The following TECRL variants were observed in gnomAD, a reference collection of about 807,000 sequenced individuals.
TECRL encodes the protein trans-2,3-enoyl-CoA reductase-like.
A neutral mutation model predicts 52.8 loss-of-function variants in TECRL; 63 were observed. The observed-to-expected ratio is 1.19, with a 90% CI of 0.97 to 1.47. The LOEUF is 1.47. TECRL is among the 40% of genes most tolerant of loss of function. TECRL has a pLI of 0.00. For missense variants in TECRL, 482 were observed against 429.6 expected (o/e 1.12, Z -1.08); for synonymous variants, 164 against 141.9 (o/e 1.16, Z -1.10).
intron 2 of TECRL, among the ~76,000 whole-genome samples, chr4:64,352,259 C>A (rs998683265): frequency 6.6e-6 from 1 of 151,930 alleles, no homozygotes; most frequent in Non-Finnish European, 1.5e-5. Flanking sequence ...TGTACAAGCA[C>A]CAAGGCACAT....
At chr4:64,319,564 C>A (rs1717749998) in intron 4 of TECRL, among the ~76,000 whole-genome samples, 1 of 151,774 alleles carries the variant, frequency 6.6e-6, no homozygotes, top group Non-Finnish European at 1.5e-5. Flanking sequence ...TACAAGGACT[C>A]GTATCTACAT....
At chr4:64,394,687 C>T (rs939357873) in intron 1 of TECRL, among the ~76,000 whole-genome samples, 1 of 152,088 alleles carries the variant, frequency 6.6e-6, no homozygotes, top group Admixed American at 6.6e-5. Flanking sequence ...CACTATACTA[C>T]ACTACGTGGT....
intron 1 of TECRL, among the ~76,000 whole-genome samples, chr4:64,391,234 G>T (rs1462609704): frequency 6.6e-6 from 1 of 151,802 alleles, no homozygotes; most frequent in Non-Finnish European, 1.5e-5. Flanking sequence ...ACACATAATT[G>T]AATTGCTTTG....
At chr4:64,310,864 C>T (rs1331353401) in intron 5 of TECRL, among the ~76,000 whole-genome samples, 2 of 152,052 alleles carry the variant, frequency 1.3e-5, no homozygotes, top group Non-Finnish European at 2.9e-5. Flanking sequence ...GACTACAGGA[C>T]CACACCGCCA....
chr4:64,401,749 T>A (rs1247715443), intron 1 of TECRL, among the ~76,000 whole-genome samples: 2 of 152,212 alleles, frequency 1.3e-5, no homozygotes, highest in Non-Finnish European at 2.9e-5. Context: ...ACCACTTCAC[T>A]GCTAGTTTCC....
chr4:64,366,617 T>C (rs556814305), intron 2 of TECRL, among the ~76,000 whole-genome samples: 14 of 151,904 alleles, frequency 9.2e-5, no homozygotes, highest in African/African-American at 3.4e-4. Context: ...TTAATAGACA[T>C]GTAAAAGATG....
chr4:64,313,977 CAAAAAAA>C (rs752037972), intron 5 of TECRL, among the ~76,000 whole-genome samples: 965 of 61,968 alleles, frequency 0.016, 14 homozygotes, highest in African/African-American at 0.042. Flanking sequence ...ACTAAAAATA[CAAAAAAA>C]AAAAAAAAAA....
rs72638972 is a variant in TECRL, at chr4:64,318,202, C to T, written c.436-3439G>A. Among the ~76,000 whole-genome samples the T allele has an allele frequency of 3.7e-3, 561 of 151,966 alleles. 2 individuals are homozygous for T. Among genetic ancestry groups the T allele is most frequent in the South Asian group, 0.03 (145 of 4,808 alleles). On this transcript the variant is annotated intron_variant, in intron 4 of 11. Transcript: ENST00000381210. ...ATACAAAGACCAAACAGACTGTGAG[C>T]AAAACCAAGAGAAATAGCAAAAATA...
At chr4:64,342,346 G>C (rs1719640958) in intron 2 of TECRL, among the ~76,000 whole-genome samples, 1 of 152,078 alleles carries the variant, frequency 6.6e-6, no homozygotes, top group Non-Finnish European at 1.5e-5. Context: ...GCATGACACT[G>C]AAGAATGTGT....
intron 1 of TECRL, among the ~76,000 whole-genome samples, chr4:64,399,843 T>A (rs1724225956): frequency 6.6e-6 from 1 of 152,130 alleles, no homozygotes; most frequent in Non-Finnish European, 1.5e-5. Flanking sequence ...GGAACCATCA[T>A]GGAGAACCTC....
At chr4:64,365,227 C>T (rs958435656) in intron 2 of TECRL, among the ~76,000 whole-genome samples, 4 of 138,092 alleles carry the variant, frequency 2.9e-5, no homozygotes, top group African/African-American at 1.1e-4. Flanking sequence ...AAAAGCTATA[C>T]ATAAAAGGAA....
chr4:64,352,416 C>A (rs1047733282), intron 2 of TECRL, among the ~76,000 whole-genome samples: 5 of 152,146 alleles, frequency 3.3e-5, no homozygotes, highest in African/African-American at 9.7e-5. Flanking sequence ...TAGACAGATA[C>A]ATAGATAGAG....
chr4:64,289,745 A>C lies in TECRL; in HGVS notation c.797T>G (p.Phe266Cys). The part of the protein sequence containing the change: ...NFLICEAGNH[F>C]INVMLSHPNH... ...GGGATGAGACAACATTACATTGATG[A>C]AATGATTCCCAGCTTCACAAATCTG... Residue 266 changes from phenylalanine (F) to cysteine (C), a missense_variant, in exon 9 of 12, where the codon TTC (phenylalanine) becomes TGC (cysteine). Coordinates refer to ENST00000381210, the MANE Select transcript of TECRL (RefSeq NM_001010874.5). 6.5e-7 allele frequency: 1 copy of C among 1,548,978 alleles called. No individual in the cohort carries two copies. Among genetic ancestry groups the C allele is most frequent in the Non-Finnish European group, 8.6e-7 (1 of 1,157,422 alleles).
At chr4:64,349,185 T>TGCAATGGAA (rs71203161) in intron 2 of TECRL, among the ~76,000 whole-genome samples, 99,572 of 147,824 alleles carry the variant, frequency 0.67, 34,739 homozygotes, top group Non-Finnish European at 0.76. Context: ...CAGGCTGTAG[T>TGCAATGGAA]GCAATGGAAT....
chr4:64,328,695 G>T, intron 2 of TECRL, 139 bp from the exon 3 acceptor site: 1 of 669,796 alleles, frequency 1.5e-6, no homozygotes, highest in Non-Finnish European at 2.6e-6. Flanking sequence ...AGAAATAGTG[G>T]TTACCTTTTG....
intron 1 of TECRL, among the ~76,000 whole-genome samples, chr4:64,378,445 T>C (rs1043338348): frequency 2.0e-5 from 3 of 151,998 alleles, no homozygotes; most frequent in Admixed American, 6.6e-5. Flanking sequence ...GGTGTGTCTG[T>C]AGTCCCAGCT....
intron 2 of TECRL, among the ~76,000 whole-genome samples, chr4:64,340,471 C>A (rs1168072258): frequency 6.6e-6 from 1 of 152,202 alleles, no homozygotes; most frequent in African/African-American, 2.4e-5. Context: ...AAGTTGGGAC[C>A]AAGCCCAGGC....
chr4:64,382,123 G>A (rs2109709949), intron 1 of TECRL, among the ~76,000 whole-genome samples: 1 of 148,020 alleles, frequency 6.8e-6, no homozygotes, highest in Admixed American at 6.8e-5. Flanking sequence ...ACTCATTATT[G>A]GTCTTCAAAC....
At chr4:64,409,066 C>A in intron 1 of TECRL, 52 bp downstream of exon 1, 3 of 1,400,312 alleles carry the variant, frequency 2.1e-6, no homozygotes, top group Non-Finnish European at 2.9e-6. Flanking sequence ...ATATTTGGGG[C>A]AGAGAAGAAA....
Sources: allele counts gnomAD v4.1 joint callset (sites outside exome capture counted in the v4.1 genomes callset), GRCh38; gene constraint gnomAD v4.1.1; transcripts MANE v1.5; gene names NCBI Gene and HGNC (gene_info 2026-07-23, HGNC 2026-07-21).